FBRSL1: variants seen among roughly 807,000 people sequenced by gnomAD.
The protein encoded by FBRSL1 is fibrosin like 1.
In FBRSL1, 51 loss-of-function variants were observed where a neutral mutation model predicts 89.6. The ratio of observed to expected loss-of-function variants is 0.57; its 90% CI spans 0.45 to 0.72. The LOEUF (loss-of-function observed/expected upper bound fraction) is 0.72, where lower values mean the gene tolerates loss of function less well. Ranked by LOEUF, FBRSL1 falls within the 30% of genes least tolerant of loss-of-function variation. The probability of loss-of-function intolerance (pLI) is 0.00; values close to 1 mark genes in which losing one functional copy is unlikely to be tolerated. For missense variants in FBRSL1, 1,618 were observed against 1,451.8 expected (o/e 1.11, Z -1.86); for synonymous variants, 779 against 681.1 (o/e 1.14, Z -2.24).
intron 4 of FBRSL1, among the ~76,000 whole-genome samples, chr12:132,533,112 C>G (rs187732507): frequency 6.6e-6 from 1 of 151,060 alleles, no homozygotes. Context: ...TCCCTGGAGT[C>G]AGAGAGCTGC....
intron 2 of FBRSL1, among the ~76,000 whole-genome samples, chr12:132,512,541 C>A (rs893920511): frequency 6.6e-6 from 1 of 152,210 alleles, no homozygotes; most frequent in African/African-American, 2.4e-5. Context: ...GCTGAAGTTG[C>A]CTTCAGACGT....
At chr12:132,560,603 G>A (rs934977735) in intron 5 of FBRSL1, among the ~76,000 whole-genome samples, 2 of 152,166 alleles carry the variant, frequency 1.3e-5, no homozygotes, top group African/African-American at 4.8e-5. Flanking sequence ...GCGGGGCGCG[G>A]CTGGCCCAGG....
At position 132,580,012 on chromosome 12, in the gene FBRSL1, C is replaced by A. The variant is rs577505935; in HGVS notation, c.1835-1427C>A. ...CTGAACTCCGCAGGCCCTGGCAATT[C>A]TTAATGTTGCTTGGCTGTGTCGTCT... On this transcript the variant is annotated intron_variant, in intron 15 of 18. Transcript: ENST00000680143. 2.6e-5 allele frequency among the ~76,000 whole-genome samples: 4 copies of A among 152,320 alleles called. No homozygotes were observed. In the East Asian group the frequency reaches 7.7e-4, roughly 29 times the overall value.
chr12:132,537,721 C>T (rs1158310375), intron 4 of FBRSL1, among the ~76,000 whole-genome samples: 1 of 152,122 alleles, frequency 6.6e-6, no homozygotes, highest in Non-Finnish European at 1.5e-5. Context: ...TAGTTTTGTC[C>T]CCTCCAACCA....
intron 4 of FBRSL1, among the ~76,000 whole-genome samples, chr12:132,544,239 G>A (rs1454272170): frequency 6.6e-6 from 1 of 152,208 alleles, no homozygotes; most frequent in African/African-American, 2.4e-5. Flanking sequence ...TGGTCACGAG[G>A]GCCATTATTG....
In FBRSL1 at chr12:132,564,693, CA is replaced by C. The variant is rs2039451779; in HGVS notation, c.646-2787del. On this transcript the variant is annotated intron_variant, in intron 5 of 18. Transcript: ENST00000680143. ...TGTATTTTTAGTAGAGACGGGGTTT[CA>C]CCGTGTTAGCCAGGATGGTCTCGAT... Among the ~76,000 whole-genome samples, 3 of 93,562 alleles carry C rather than the reference CA, an allele frequency of 3.2e-5. 1 individual carries two copies. The highest frequency in any genetic ancestry group is 1.8e-4 in the African/African-American group (3 of 16,624). 61.4% of individuals were successfully genotyped at this position (93,562 alleles called of 152,430 possible). A position where few individuals can be genotyped will look rare whatever the true frequency, so the allele number is the denominator to read the frequency against.
At chr12:132,506,005 C>T (rs1387636213) in intron 1 of FBRSL1, among the ~76,000 whole-genome samples, 3 of 152,246 alleles carry the variant, frequency 2.0e-5, no homozygotes, top group African/African-American at 7.2e-5. Context: ...GGGGCTGCGC[C>T]TGGAGCCGGA....
intron 14 of FBRSL1, among the ~76,000 whole-genome samples, chr12:132,575,475 C>T (rs754066927): frequency 1.2e-4 from 18 of 152,234 alleles, no homozygotes; most frequent in Non-Finnish European, 2.4e-4. Flanking sequence ...GATCCACCCA[C>T]CTCGGCCTCC....
intron 4 of FBRSL1, among the ~76,000 whole-genome samples, chr12:132,543,588 A>T (rs1254653647): frequency 6.6e-6 from 1 of 152,170 alleles, no homozygotes; most frequent in Non-Finnish European, 1.5e-5. Flanking sequence ...AGCCAATTTT[A>T]AAAAAATAAA....
Position 132,582,229 on chromosome 12 carries a change from G to T in FBRSL1, c.2164G>T (p.Asp722Tyr). 6.5e-7 allele frequency: 1 copy of T among 1,550,198 alleles called. No individual in the cohort carries two copies. Among genetic ancestry groups the T allele is most frequent in the Non-Finnish European group, 8.7e-7 (1 of 1,146,860 alleles). The change falls in exon 18 of 19, where the codon GAC becomes TAC. Residue 722 changes from aspartate to tyrosine, a missense_variant. Physicochemically the swap from Asp to Tyr is radical, Grantham distance 160. Coordinates refer to ENST00000680143, the MANE Select transcript of FBRSL1 (RefSeq NM_001367871.1). ...AERVSALTNH[D>Y]REPDNGKEEQ... ...GCGGGTGTCAGCCCTGACCAACCATGACCGAGAGCCGGACAATGGCAAGGA... is the reference window on the plus strand; with the variant it reads ...GCGGGTGTCAGCCCTGACCAACCATTACCGAGAGCCGGACAATGGCAAGGA...
Position 132,546,891 on chromosome 12 carries a change from C to T in FBRSL1, c.616-1112C>T, listed in dbSNP as rs936449197. ...GCTCCGTCGCTGAACACTCGGCAGC[C>T]GCGGCTGCACATGGAGGGTGGCTGT... is the stretch of plus-strand genomic sequence containing the variant. On this transcript the variant is annotated intron_variant, in intron 4 of 18. Coordinates refer to ENST00000680143, the MANE Select transcript of FBRSL1 (RefSeq NM_001367871.1). The surrounding 1 kb of genome is among the most constrained non-coding windows in gnomAD (Gnocchi z 4.0). Among the ~76,000 whole-genome samples, 4 of 152,350 alleles carry T rather than the reference C, an allele frequency of 2.6e-5. No individual in the cohort carries two copies. The highest frequency in any genetic ancestry group is 3.4e-3 in the Middle Eastern group (1 of 294).
At chr12:132,578,446 G>T (rs112899536) in intron 15 of FBRSL1, among the ~76,000 whole-genome samples, 5 of 151,946 alleles carry the variant, frequency 3.3e-5, no homozygotes, top group Non-Finnish European at 5.9e-5. Context: ...GTCCTCACAC[G>T]GAGTGGGCTG....
chr12:132,549,991 G>A (rs2038013052), intron 5 of FBRSL1, among the ~76,000 whole-genome samples: 1 of 152,186 alleles, frequency 6.6e-6, no homozygotes, highest in Non-Finnish European at 1.5e-5. Context: ...TCTGGGCGGT[G>A]TCGGGGAGGC....
chr12:132,559,402 CT>C (rs2038926679), intron 5 of FBRSL1, among the ~76,000 whole-genome samples: 1 of 152,210 alleles, frequency 6.6e-6, no homozygotes, highest in East Asian at 1.9e-4. Flanking sequence ...CTCTTTTTTC[CT>C]TTTTTTGAGA....
intron 5 of FBRSL1, chr12:132,551,782 G>A: frequency 2.8e-6 from 1 of 353,184 alleles, no homozygotes; most frequent in Non-Finnish European, 5.7e-6. Flanking sequence ...CTCGGGCACT[G>A]CCAGATGGCC....
At chr12:132,572,428 TGGCCTCGCCC>T (rs2040094334) in intron 10 of FBRSL1, 84 bp downstream of exon 10, 1 of 1,511,234 alleles carries the variant, frequency 6.6e-7, no homozygotes, top group Non-Finnish European at 9.0e-7. Flanking sequence ...GCCCCTCGCC[TGGCCTCGCCC>T]CTGCTGCATT....
At chr12:132,575,604 T>C (rs1015034200) in intron 14 of FBRSL1, among the ~76,000 whole-genome samples, 7 of 152,256 alleles carry the variant, frequency 4.6e-5, no homozygotes, top group African/African-American at 1.7e-4. Flanking sequence ...GTGCTCCTGG[T>C]GGGGGGCCGT....
At chr12:132,568,560 A>G (rs981911381) in intron 6 of FBRSL1, among the ~76,000 whole-genome samples, 3 of 152,232 alleles carry the variant, frequency 2.0e-5, no homozygotes, top group African/African-American at 4.8e-5. Flanking sequence ...TGGACGGACA[A>G]TGTCCCAGTG....
At chr12:132,523,852 A>G (rs1335287905) in intron 2 of FBRSL1, among the ~76,000 whole-genome samples, 1 of 152,138 alleles carries the variant, frequency 6.6e-6, no homozygotes, top group Non-Finnish European at 1.5e-5. Flanking sequence ...TAGGAGTGGG[A>G]CACGTGGCTT....
Sources: allele counts gnomAD v4.1 joint callset (sites outside exome capture counted in the v4.1 genomes callset), GRCh38; gene constraint gnomAD v4.1.1; non-coding constraint Gnocchi (gnomAD v3.1); transcripts MANE v1.5; gene names NCBI Gene and HGNC (gene_info 2026-07-23, HGNC 2026-07-21).